Variants in IARS1 observed in about 807,000 individuals in gnomAD.
IARS1 encodes the protein isoleucyl-tRNA synthetase 1.
IARS1 carries 124 observed loss-of-function variants against 168.2 expected under a neutral mutation model. The ratio of observed to expected loss-of-function variants is 0.74; its 90% CI spans 0.64 to 0.86. IARS1 has a LOEUF of 0.86. IARS1 is among the 40% of genes least tolerant of loss of function. The pLI, the probability that IARS1 is intolerant of heterozygous loss-of-function variation, is 0.00. For synonymous variants in IARS1, 532 were observed against 529.4 expected, an observed-to-expected ratio of 1.00 and a Z score of -0.07; for missense variants, 1,452 against 1,515.8, an observed-to-expected ratio of 0.96 and a Z score of 0.70.
rs777999885 is a variant in IARS1 at position 92,264,943 on chromosome 9, G to A, written c.1686C>T (p.Asp562=). The change falls in exon 16 of 34, where the codon GAC becomes GAT. Residue 562 remains aspartate, a synonymous_variant. Coordinates refer to ENST00000443024, the MANE Select transcript of IARS1 (RefSeq NM_002161.6). ...FPADFIAEGI[D]QTRGWFYTLL... ...AGGAGGCATACCATCCTCTGGTTTG[G>A]TCGATGCCCTCGGCAATGAAATCTG... The A allele has an allele frequency of 6.2e-6, 10 of 1,613,602 alleles. No homozygotes were observed. In the Middle Eastern group the frequency reaches 6.6e-4, roughly 106 times the overall value.
chr9:92,259,949 T>C (rs1290808043), intron 18 of IARS1, among the ~76,000 whole-genome samples: 1 of 152,198 alleles, frequency 6.6e-6, no homozygotes, highest in Non-Finnish European at 1.5e-5. Context: ...AACAGACCTC[T>C]AGGTTTAAAA....
rs770625853 is a variant in IARS1, at chr9:92,250,304, T to C, written c.2430-15A>G. 5 of 1,458,296 alleles carry C rather than the reference T, an allele frequency of 3.4e-6. No homozygotes were observed. Among genetic ancestry groups the C allele is most frequent in the Non-Finnish European group, 4.8e-6 (5 of 1,038,498 alleles). 90.3% of individuals were successfully genotyped at this position (1,458,296 alleles called of 1,614,324 possible). On this transcript the variant is annotated splice_polypyrimidine_tract_variant and intron_variant, in intron 23 of 33. Transcript: ENST00000443024. ...TCAATTCTTCTCTGAGTGGTAGAGGTAGGAATATGAAAGAGTTTAGATTTA... is the reference window on the plus strand; with the variant it reads ...TCAATTCTTCTCTGAGTGGTAGAGGCAGGAATATGAAAGAGTTTAGATTTA...
intron 18 of IARS1, 68 bp from the exon 19 acceptor site, chr9:92,259,066 T>A: frequency 7.4e-7 from 1 of 1,344,276 alleles, no homozygotes; most frequent in Non-Finnish European, 1.0e-6. Context: ...CTACTCGACA[T>A]ATTGAGAGAG....
At chr9:92,286,306 G>A (rs1053451680) in intron 5 of IARS1, among the ~76,000 whole-genome samples, 4 of 152,218 alleles carry the variant, frequency 2.6e-5, no homozygotes, top group Non-Finnish European at 5.9e-5. Context: ...GGCGGAGGTT[G>A]CAGTGGGCCA....
At position 92,210,790 on chromosome 9, in the gene IARS1, A is replaced by G. The variant is rs1056205603; in HGVS notation, c.*17T>C. The G allele has an allele frequency of 1.9e-6, 3 of 1,539,800 alleles. No homozygotes were observed. The Admixed American group carries it at 5.0e-5, about 26-fold the overall frequency. On this transcript the variant is annotated 3_prime_UTR_variant, in exon 34 of 34. Coordinates refer to ENST00000443024, the MANE Select transcript of IARS1 (RefSeq NM_002161.6). ...TAATTAGGGAAGGGCTGACCGAACAACATTGATAAGTACATGCTAGAAGTC... is the reference window on the plus strand; with the variant it reads ...TAATTAGGGAAGGGCTGACCGAACAGCATTGATAAGTACATGCTAGAAGTC...
intron 33 of IARS1, among the ~76,000 whole-genome samples, chr9:92,211,374 T>C (rs1463464533): frequency 1.3e-5 from 2 of 152,060 alleles, no homozygotes; most frequent in Non-Finnish European, 2.9e-5. Context: ...TCACTCTCGC[T>C]GGTTCTAACG....
intron 10 of IARS1, 119 bp from the exon 11 acceptor site, chr9:92,271,774 T>A: frequency 8.9e-7 from 1 of 1,124,670 alleles, no homozygotes; most frequent in Non-Finnish European, 1.3e-6. Flanking sequence ...ATCAACTTTG[T>A]CCTGTAAACT....
intron 14 of IARS1, among the ~76,000 whole-genome samples, chr9:92,267,384 G>A (rs1832429110): frequency 6.6e-6 from 1 of 152,086 alleles, no homozygotes; most frequent in Non-Finnish European, 1.5e-5. Context: ...GGGTGCTGCC[G>A]CTCATCACTG....
At chr9:92,242,481 C>T in intron 28 of IARS1, 151 bp from the exon 29 acceptor site, 1 of 613,744 alleles carries the variant, frequency 1.6e-6, no homozygotes, top group East Asian at 2.7e-5. Context: ...ATCCGTAAGA[C>T]TAACTGCACT....
intron 4 of IARS1, chr9:92,287,489 T>C (rs1307433292): frequency 2.8e-5 from 5 of 180,198 alleles, no homozygotes; most frequent in Non-Finnish European, 4.6e-5. Flanking sequence ...AAATGAAAAG[T>C]TAAAAAAATT....
chr9:92,283,753 A>C (rs1835008706), intron 6 of IARS1, among the ~76,000 whole-genome samples: 1 of 152,258 alleles, frequency 6.6e-6, no homozygotes, highest in Non-Finnish European at 1.5e-5. Flanking sequence ...CATGTGTTTA[A>C]GTCTTGGTAG....
intron 33 of IARS1, among the ~76,000 whole-genome samples, chr9:92,214,889 G>T (rs1838387730): frequency 6.6e-6 from 1 of 152,244 alleles, no homozygotes; most frequent in South Asian, 2.1e-4. Flanking sequence ...AAACAAAGCA[G>T]CCGGGAAGCT....
At chr9:92,285,665 T>TACTC in intron 6 of IARS1, 57 bp downstream of exon 6, 1 of 1,062,050 alleles carries the variant, frequency 9.4e-7, no homozygotes, top group Non-Finnish European at 1.5e-6. Flanking sequence ...TGATCATAAC[T>TACTC]ACTCAGCTTC....
At chr9:92,255,066 G>C (rs1457877345) in intron 20 of IARS1, among the ~76,000 whole-genome samples, 3 of 152,248 alleles carry the variant, frequency 2.0e-5, no homozygotes, top group South Asian at 2.1e-4. Context: ...AGCATGTCTG[G>C]GGAGTGTGCT....
intron 33 of IARS1, among the ~76,000 whole-genome samples, chr9:92,212,463 G>C (rs947544049): frequency 2.0e-5 from 3 of 152,226 alleles, no homozygotes; most frequent in African/African-American, 4.8e-5. Flanking sequence ...CACAGGTTAA[G>C]AATGGTTCTG....
chr9:92,285,760 T>C lies in IARS1; in HGVS notation c.559A>G (p.Thr187Ala), dbSNP rs1228310996. The change falls in exon 6 of 34, where the codon ACT (threonine) becomes GCT (alanine). Residue 187 changes from threonine to alanine, a missense_variant. Coordinates refer to ENST00000443024, the MANE Select transcript of IARS1 (RefSeq NM_002161.6). Reference sequence around the variant, plus strand: ...TGTGACTCGAAGTTGGAAAGTGGAGTGTTACATGCCGTAGAGAAGGGCATG... The same window carrying C: ...TGTGACTCGAAGTTGGAAAGTGGAGCGTTACATGCCGTAGAGAAGGGCATG... Reference protein sequence around the residue: ...KVMPFSTACNTPLSNFESHQN... With the variant: ...KVMPFSTACNAPLSNFESHQN... The C allele has an allele frequency of 1.9e-6, 3 of 1,612,798 alleles. No individual in the cohort carries two copies. Among genetic ancestry groups the C allele is most frequent in the Non-Finnish European group, 2.5e-6 (3 of 1,178,878 alleles).
At position 92,268,319 on chromosome 9, in the gene IARS1, A is replaced by G. The variant is rs767060923; in HGVS notation, c.1305-19T>C. On this transcript the variant is annotated intron_variant, in intron 13 of 33. Coordinates refer to ENST00000443024, the MANE Select transcript of IARS1 (RefSeq NM_002161.6). ...TGGGACCCTGCAATAAACAGATCAC[A>G]TAACCAATCACATAAAAATATGGAA... 31 of 1,602,034 alleles carry G rather than the reference A, an allele frequency of 1.9e-5. No individual in the cohort carries two copies. In the Middle Eastern group the frequency reaches 1.2e-3, roughly 60 times the overall value.
intron 20 of IARS1, among the ~76,000 whole-genome samples, chr9:92,255,898 A>G (rs1587812909): frequency 6.6e-6 from 1 of 152,234 alleles, no homozygotes; most frequent in East Asian, 1.9e-4. Flanking sequence ...TTTGCAACAC[A>G]AAGATATGAT....
chr9:92,259,829 A>G (rs1831259608), intron 18 of IARS1, among the ~76,000 whole-genome samples: 1 of 152,230 alleles, frequency 6.6e-6, no homozygotes, highest in Non-Finnish European at 1.5e-5. Flanking sequence ...GAGAATTCTA[A>G]TACCAACAAG....
Sources: allele counts gnomAD v4.1 joint callset (sites outside exome capture counted in the v4.1 genomes callset), GRCh38; gene constraint gnomAD v4.1.1; transcripts MANE v1.5; gene names NCBI Gene and HGNC (gene_info 2026-07-23, HGNC 2026-07-21).